The following ADGRL3 variants were observed in gnomAD, a reference collection of about 807,000 sequenced individuals.
ADGRL3 encodes adhesion G protein-coupled receptor L3, also known as calcium-independent alpha-latrotoxin receptor 3.
A neutral mutation model predicts 153.5 loss-of-function variants in ADGRL3; 62 were observed. The ratio of observed to expected loss-of-function variants is 0.40; its 90% CI spans 0.33 to 0.50. The LOEUF is 0.50. ADGRL3 is among the 20% of genes least tolerant of loss of function. The pLI is 0.47. For missense variants in ADGRL3, 1,641 were observed against 1,859.4 expected (o/e 0.88, Z 2.16); for synonymous variants, 710 against 672.5 (o/e 1.06, Z -0.86).
rs1298477762 is a variant in ADGRL3 at position 61,449,508 on chromosome 4, G to A, written c.-173-47613G>A. On this transcript the variant is annotated intron_variant, in intron 2 of 26. Transcript: ENST00000683033. ...ATAAATGCAAGACTGTACCTAGGCA[G>A]GTACAGTTTAAAAGTACTAATTGTG... 2.6e-5 allele frequency among the ~76,000 whole-genome samples: 4 copies of A among 151,922 alleles called. No homozygotes were observed. In the East Asian group the frequency reaches 7.7e-4, roughly 29 times the overall value.
At chr4:61,804,659 T>C (rs2097534062) in intron 8 of ADGRL3, among the ~76,000 whole-genome samples, 1 of 152,154 alleles carries the variant, frequency 6.6e-6, no homozygotes, top group Admixed American at 6.5e-5. Context: ...TCATTCTAAT[T>C]CCCTTATAGA....
At chr4:61,432,574 C>CTCTTTCTT in intron 2 of ADGRL3, among the ~76,000 whole-genome samples, 1 of 1,666 alleles carries the variant, frequency 6.0e-4, no homozygotes, top group Non-Finnish European at 3.6e-3. Flanking sequence ...CTTTCTCTTC[C>CTCTTTCTT]TTTCTTTCTT....
intron 1 of ADGRL3, among the ~76,000 whole-genome samples, chr4:61,306,022 G>A (rs1176256676): frequency 6.6e-6 from 1 of 152,206 alleles, no homozygotes; most frequent in East Asian, 1.9e-4. Flanking sequence ...CTTCAAGTGA[G>A]CTGCCTTCTT....
intron 2 of ADGRL3, among the ~76,000 whole-genome samples, chr4:61,443,271 A>G (rs2097546428): frequency 6.6e-6 from 1 of 152,174 alleles, no homozygotes; most frequent in Non-Finnish European, 1.5e-5. Flanking sequence ...TATTTTAAAA[A>G]GTTAAATGAA....
chr4:61,869,334 C>T (rs1016923726), intron 9 of ADGRL3, among the ~76,000 whole-genome samples: 5 of 151,564 alleles, frequency 3.3e-5, no homozygotes, highest in African/African-American at 4.9e-5. Context: ...CGCGGTGGCT[C>T]ACGCCTGTAA....
chr4:61,924,142 G>A (rs1480675367), intron 13 of ADGRL3, among the ~76,000 whole-genome samples: 1 of 151,884 alleles, frequency 6.6e-6, no homozygotes, highest in Admixed American at 6.6e-5. Flanking sequence ...ACCAATGGTC[G>A]GTAGTCAATG....
intron 9 of ADGRL3, among the ~76,000 whole-genome samples, chr4:61,828,995 G>C (rs1311153672): frequency 6.6e-6 from 1 of 152,088 alleles, no homozygotes; most frequent in Non-Finnish European, 1.5e-5. Context: ...TATTTGTAGG[G>C]AAATGATTTG....
intron 1 of ADGRL3, among the ~76,000 whole-genome samples, chr4:61,372,050 G>T (rs940984255): frequency 2.0e-5 from 3 of 151,988 alleles, no homozygotes; most frequent in African/African-American, 7.3e-5. Context: ...CATTCTTCAC[G>T]TAGTTCTCGA....
intron 1 of ADGRL3, among the ~76,000 whole-genome samples, chr4:61,336,160 G>A (rs934273313): frequency 1.3e-5 from 2 of 152,122 alleles, no homozygotes; most frequent in African/African-American, 4.8e-5. Context: ...TAAAAATACT[G>A]TAAATTATAT....
chr4:61,998,048 G>A lies in ADGRL3; in HGVS notation c.3304-126G>A, dbSNP rs545230962. On this transcript the variant is annotated intron_variant, in intron 20 of 26. Transcript: ENST00000683033. ...ACTAAAACACTAGGCAGTCATCTACGATCCAATTCCTTTAAAAGTGTAGTG... is the reference window on the plus strand; with the variant it reads ...ACTAAAACACTAGGCAGTCATCTACAATCCAATTCCTTTAAAAGTGTAGTG... The A allele has an allele frequency of 1.8e-4, 82 of 455,582 alleles. No individual in the cohort carries two copies. The East Asian group carries it at 2.7e-3, about 15-fold the overall frequency. 28.2% of individuals were successfully genotyped at this position (455,582 alleles called of 1,614,324 possible).
chr4:61,698,589 G>C (rs1580339132), intron 6 of ADGRL3, among the ~76,000 whole-genome samples: 1 of 152,108 alleles, frequency 6.6e-6, no homozygotes, highest in East Asian at 1.9e-4. Context: ...AACTCTTGTG[G>C]TATTCTCAAG....
At chr4:61,643,174 TAAG>T (rs1270171307) in intron 5 of ADGRL3, among the ~76,000 whole-genome samples, 1 of 152,132 alleles carries the variant, frequency 6.6e-6, no homozygotes, top group Non-Finnish European at 1.5e-5. Context: ...CTTATCAGCT[TAAG>T]GAGATTTTGG....
In ADGRL3 at chr4:61,909,468, T is replaced by G; in HGVS notation, c.1888-92T>G. 4 of 830,706 alleles carry G rather than the reference T, an allele frequency of 4.8e-6. No homozygotes were observed. In the South Asian group the frequency reaches 7.8e-5, roughly 16 times the overall value. The allele number at this position is 830,706 out of a possible 1,614,324, so 51.5% of individuals were successfully genotyped here. A position where few individuals can be genotyped will look rare whatever the true frequency, so the allele number is the denominator to read the frequency against. ...TAACAACTATTTCTTGAATCGATGATTACAATTACATGCAAACATGATCGT... is the reference window on the plus strand; with the variant it reads ...TAACAACTATTTCTTGAATCGATGAGTACAATTACATGCAAACATGATCGT... On this transcript the variant is annotated intron_variant, in intron 11 of 26. Coordinates refer to ENST00000683033, the MANE Select transcript of ADGRL3 (RefSeq NM_001387552.1).
chr4:61,653,094 T>C (rs1030124995), intron 5 of ADGRL3, among the ~76,000 whole-genome samples: 1 of 151,220 alleles, frequency 6.6e-6, no homozygotes, highest in African/African-American at 2.4e-5. Context: ...TCTAATACAA[T>C]AGGATTAGTG....
intron 6 of ADGRL3, among the ~76,000 whole-genome samples, chr4:61,705,955 A>G (rs1171116532): frequency 6.6e-6 from 1 of 152,172 alleles, no homozygotes; most frequent in Non-Finnish European, 1.5e-5. Flanking sequence ...AGTAGATTTA[A>G]TGTAACTCTG....
intron 3 of ADGRL3, among the ~76,000 whole-genome samples, chr4:61,516,600 T>C (rs754185820): frequency 1.6e-4 from 24 of 152,254 alleles, no homozygotes; most frequent in Non-Finnish European, 3.5e-4. Context: ...TACTTTTTTT[T>C]CATTATTGTC....
intron 14 of ADGRL3, 70 bp from the exon 15 acceptor site, chr4:61,935,853 A>T: frequency 7.2e-7 from 1 of 1,382,158 alleles, no homozygotes; most frequent in Admixed American, 2.8e-5. Flanking sequence ...AAATACTGCA[A>T]TGGTTTAGGA....
At position 62,012,238 on chromosome 4, in the gene ADGRL3, A is replaced by T. The variant is rs1174343542; in HGVS notation, c.3395+13973A>T. ...TGAGTCACATACTCAAAACGTAGTCATAGATTCTGAAGTAAAAGACAGGTG... is the reference window on the plus strand; with the variant it reads ...TGAGTCACATACTCAAAACGTAGTCTTAGATTCTGAAGTAAAAGACAGGTG... On this transcript the variant is annotated intron_variant, in intron 21 of 26. Transcript: ENST00000683033. Among the ~76,000 whole-genome samples the T allele has an allele frequency of 2.0e-5, 3 of 152,196 alleles. No homozygotes were observed. In the South Asian group the frequency reaches 6.2e-4, roughly 31 times the overall value.
intron 9 of ADGRL3, among the ~76,000 whole-genome samples, chr4:61,845,631 G>C (rs546309753): frequency 1.3e-5 from 2 of 151,658 alleles, no homozygotes; most frequent in South Asian, 4.2e-4. Context: ...CTCCGAGAGT[G>C]CTGAGATTAT....
Sources: allele counts gnomAD v4.1 joint callset (sites outside exome capture counted in the v4.1 genomes callset), GRCh38; gene constraint gnomAD v4.1.1; transcripts MANE v1.5; gene names NCBI Gene and HGNC (gene_info 2026-07-23, HGNC 2026-07-21).